The following ENTPD1 variants were observed in gnomAD, a reference collection of about 807,000 sequenced individuals.
ENTPD1 encodes ATP diphosphohydrolase.
Under a neutral mutation model 57.0 loss-of-function variants are expected in ENTPD1, and 33 were observed. That is an observed-to-expected ratio of 0.58 (90% CI 0.44 to 0.77). The LOEUF (loss-of-function observed/expected upper bound fraction) is 0.77, where lower values mean the gene tolerates loss of function less well. ENTPD1 is among the 30% of genes least tolerant of loss of function. The probability of loss-of-function intolerance (pLI) is 0.00; values close to 1 mark genes in which losing one functional copy is unlikely to be tolerated. For missense variants in ENTPD1, 501 were observed against 603.4 expected (o/e 0.83, Z 1.78); for synonymous variants, 202 against 218.8 (o/e 0.92, Z 0.68).
At chr10:95,751,835 A>T (rs2098012465), upstream of ENTPD1, among the ~76,000 whole-genome samples, 1 of 152,162 alleles carries the variant, frequency 6.6e-6, no homozygotes, top group Non-Finnish European at 1.5e-5. Flanking sequence ...CTTGACACCC[A>T]GTAGGTGGAT....
At chr10:95,822,684 G>A (rs2098358004) in intron 1 of ENTPD1, among the ~76,000 whole-genome samples, 1 of 152,154 alleles carries the variant, frequency 6.6e-6, no homozygotes, top group Non-Finnish European at 1.5e-5. Flanking sequence ...AAGATAATAT[G>A]AATTATGATC....
intron 1 of ENTPD1, among the ~76,000 whole-genome samples, chr10:95,779,066 C>T (rs1334160662): frequency 3.3e-5 from 5 of 152,194 alleles, no homozygotes; most frequent in Admixed American, 2.0e-4. Context: ...TCCTTAAAAT[C>T]TCTCCTCACC....
upstream of ENTPD1, among the ~76,000 whole-genome samples, chr10:95,708,028 T>G (rs1223326939): frequency 6.6e-6 from 1 of 152,290 alleles, no homozygotes; most frequent in Non-Finnish European, 1.5e-5. Context: ...CAAATTAGAT[T>G]GTCAACAATG....
intron 1 of ENTPD1, among the ~76,000 whole-genome samples, chr10:95,747,858 T>C (rs1337269229): frequency 6.6e-6 from 1 of 152,128 alleles, no homozygotes; most frequent in African/African-American, 2.4e-5. Flanking sequence ...CAATTACTTA[T>C]ATTTTTCTGG....
intron 1 of ENTPD1, among the ~76,000 whole-genome samples, chr10:95,815,612 C>T (rs899981675): frequency 6.6e-6 from 1 of 152,154 alleles, no homozygotes; most frequent in Non-Finnish European, 1.5e-5. Flanking sequence ...TGGTTAAAAG[C>T]CTGGACCTTG....
chr10:95,846,794 C>T (rs2098436564), intron 6 of ENTPD1, among the ~76,000 whole-genome samples: 1 of 151,974 alleles, frequency 6.6e-6, no homozygotes, highest in South Asian at 2.1e-4. Context: ...TCGAGACCAG[C>T]CTGACCAACA....
At chr10:95,809,297 G>A (rs2140415309) in intron 1 of ENTPD1, among the ~76,000 whole-genome samples, 1 of 151,906 alleles carries the variant, frequency 6.6e-6, no homozygotes, top group East Asian at 1.9e-4. Flanking sequence ...AGACAGGGTG[G>A]CCAGGCAGAG....
chr10:95,724,682 C>T (rs1466815602), intron 1 of ENTPD1, among the ~76,000 whole-genome samples: 1 of 152,166 alleles, frequency 6.6e-6, no homozygotes, highest in Admixed American at 6.5e-5. Context: ...GCAGCAGACA[C>T]CCTGCTGGAT....
chr10:95,847,539 A>C lies in ENTPD1; in HGVS notation c.907A>C (p.Lys303Gln). 6.2e-7 allele frequency: 1 copy of C among 1,614,204 alleles called. No individual in the cohort carries two copies. The change falls in exon 7 of 10, where the codon AAG (lysine) becomes CAG (glutamine). Residue 303 changes from lysine to glutamine, a missense_variant. Physicochemically the swap from Lys to Gln is moderately conservative, Grantham distance 53. Transcript: ENST00000371205. ...VSDLYKTPCT[K>Q]RFEMTLPFQQ... Reference sequence around the variant, plus strand: ...TGACCTTTACAAGACCCCCTGCACCAAGAGATTTGAGATGACTCTTCCATT... The same window carrying C: ...TGACCTTTACAAGACCCCCTGCACCCAGAGATTTGAGATGACTCTTCCATT...
At chr10:95,728,764 A>G (rs1004176216) in intron 1 of ENTPD1, among the ~76,000 whole-genome samples, 63 of 152,350 alleles carry the variant, frequency 4.1e-4, no homozygotes, top group African/African-American at 1.5e-3. Flanking sequence ...AACAGAAGGT[A>G]GCTATGAAAT....
At chr10:95,761,851 G>T (rs773258128) in intron 1 of ENTPD1, among the ~76,000 whole-genome samples, 5 of 152,228 alleles carry the variant, frequency 3.3e-5, no homozygotes, top group Non-Finnish European at 5.9e-5. Context: ...TGGAGTCCCA[G>T]GGAGCTAGAG....
At chr10:95,747,092 G>A (rs1343148217) in intron 1 of ENTPD1, among the ~76,000 whole-genome samples, 1 of 152,100 alleles carries the variant, frequency 6.6e-6, no homozygotes, top group Non-Finnish European at 1.5e-5. Context: ...TTTGTTAATT[G>A]CCATATAACA....
chr10:95,850,930 C>G (rs2098443920), intron 7 of ENTPD1, among the ~76,000 whole-genome samples: 1 of 152,170 alleles, frequency 6.6e-6, no homozygotes, highest in African/African-American at 2.4e-5. Flanking sequence ...GCATTCAGCA[C>G]TGATGATCTG....
At chr10:95,744,791 A>G (rs768010275) in intron 1 of ENTPD1, among the ~76,000 whole-genome samples, 32 of 152,158 alleles carry the variant, frequency 2.1e-4, no homozygotes, top group Non-Finnish European at 4.4e-4. Flanking sequence ...GTTAAGGTTC[A>G]TTCTTTGTGA....
intron 8 of ENTPD1, 61 bp downstream of exon 8, chr10:95,860,643 A>ACTCACATCCTCT: frequency 1.4e-6 from 2 of 1,429,686 alleles, no homozygotes; most frequent in Non-Finnish European, 2.0e-6. Flanking sequence ...GCTGATGCAG[A>ACTCACATCCTCT]GGATGTGAGT....
upstream of ENTPD1, chr10:95,753,618 T>C (rs557750307): frequency 6.6e-6 from 1 of 152,366 alleles, no homozygotes; most frequent in African/African-American, 2.4e-5. Flanking sequence ...GTAAAGAGAA[T>C]GAGACAATTG....
chr10:95,742,023 T>C (rs1464240215), intron 1 of ENTPD1, among the ~76,000 whole-genome samples: 1 of 152,140 alleles, frequency 6.6e-6, no homozygotes, highest in Admixed American at 6.5e-5. Flanking sequence ...CTTCCTGCTG[T>C]AGACTGTTCT....
intron 7 of ENTPD1, among the ~76,000 whole-genome samples, chr10:95,858,113 C>T (rs1034605883): frequency 7.3e-5 from 11 of 150,292 alleles, no homozygotes; most frequent in South Asian, 4.2e-4. Context: ...GCCGAGATCG[C>T]GCCACTGCAC....
In ENTPD1 at chr10:95,847,456, A is replaced by G. The variant is rs2098437862; in HGVS notation, c.824A>G (p.Asn275Ser). The G allele has an allele frequency of 1.9e-6, 3 of 1,614,194 alleles. No homozygotes were observed. Among genetic ancestry groups the G allele is most frequent in the South Asian group, 1.1e-5 (1 of 91,080 alleles). The change falls in exon 7 of 10, where the codon AAT becomes AGT. Residue 275 changes from asparagine to serine, a missense_variant. Physicochemically the swap from Asn to Ser is conservative, Grantham distance 46 (BLOSUM62 1). Transcript: ENST00000371205. Reference protein sequence around the residue: ...KLAKDIQVASNEILRDPCFHP... With the variant: ...KLAKDIQVASSEILRDPCFHP... ...GATTTTTCCATTCAGGTTGCAAGTA[A>G]TGAAATTCTCAGGGACCCATGCTTT...
Sources: allele counts gnomAD v4.1 joint callset (sites outside exome capture counted in the v4.1 genomes callset), GRCh38; gene constraint gnomAD v4.1.1; transcripts MANE v1.5; gene names NCBI Gene and HGNC (gene_info 2026-07-23, HGNC 2026-07-21).